CAB39L: variants seen among roughly 807,000 people sequenced by gnomAD.
CAB39L encodes calcium binding protein 39 like.
Under a neutral mutation model 39.1 loss-of-function variants are expected in CAB39L, and 23 were observed. The observed-to-expected ratio is 0.59, with a 90% confidence interval of 0.42 to 0.83. The LOEUF is 0.83. Among genes scored for constraint, CAB39L ranks in the 40% least tolerant of loss-of-function variants. The pLI is 0.00. For missense variants in CAB39L, 366 were observed against 391.9 expected (o/e 0.93, Z 0.56); for synonymous variants, 126 against 137.2 (o/e 0.92, Z 0.57).
At chr13:49,419,340 T>A (rs1421443804) in intron 3 of CAB39L, among the ~76,000 whole-genome samples, 1 of 152,210 alleles carries the variant, frequency 6.6e-6, no homozygotes, top group Non-Finnish European at 1.5e-5. Context: ...TTTTCCTCCT[T>A]TGAATCATAA....
At position 49,332,166 on chromosome 13, in the gene CAB39L, A is replaced by C. The variant is rs1169413602; in HGVS notation, c.691-76T>G. 10 of 1,518,212 alleles carry C rather than the reference A, an allele frequency of 6.6e-6. No homozygotes were observed. In the East Asian group the frequency reaches 2.3e-4, roughly 34 times the overall value. 94.0% of individuals were successfully genotyped at this position (1,518,212 alleles called of 1,614,324 possible). ...AAATATAGCTCACGTCTTCTCACTG[A>C]AAAACAAAATATAAATGTGAGTAAG... On this transcript the variant is annotated intron_variant, in intron 9 of 10. Coordinates refer to ENST00000409308, the MANE Select transcript of CAB39L (RefSeq NM_001079670.3).
rs1400983758 is a variant in CAB39L at position 49,433,300 on chromosome 13, G to A, written c.-32+18C>T. ...CGAGAGCACTTAAAATCTTGATTGA[G>A]TCATCATACTAGCTTACCTTAGAAG... is the stretch of plus-strand genomic sequence containing the variant. On this transcript the variant is annotated intron_variant, in intron 3 of 10. Transcript: ENST00000409308. 2.3e-6 allele frequency: 1 copy of A among 436,246 alleles called. No homozygotes were observed. Among genetic ancestry groups the A allele is most frequent in the Non-Finnish European group, 4.5e-6 (1 of 221,454 alleles). 27.0% of individuals were successfully genotyped at this position (436,246 alleles called of 1,614,324 possible).
rs1265089603 is a variant in CAB39L at position 49,309,322 on chromosome 13, G to GC, written c.*1491dup. 1.3e-5 allele frequency: 2 copies of GC among 152,272 alleles called. No homozygotes were observed. Among genetic ancestry groups the GC allele is most frequent in the African/African-American group, 4.8e-5 (2 of 41,460 alleles). The allele number at this position is 152,272 out of a possible 1,614,324, so 9.4% of individuals were successfully genotyped here. On this transcript the variant is annotated 3_prime_UTR_variant, in exon 11 of 11. Coordinates refer to ENST00000409308, the MANE Select transcript of CAB39L (RefSeq NM_001079670.3). ...AGAAAGAAACACACACCTGGGCCTA[G>GC]CCAAGGGTGGTGCCCTGCCAGGTAA...
chr13:49,334,965 C>T (rs1954811147), intron 9 of CAB39L, among the ~76,000 whole-genome samples: 1 of 152,142 alleles, frequency 6.6e-6, no homozygotes, highest in South Asian at 2.1e-4. Context: ...AATAAAACTT[C>T]TCTTATCTCT....
At chr13:49,439,535 A>G (rs1202546710) in intron 1 of CAB39L, among the ~76,000 whole-genome samples, 1 of 152,216 alleles carries the variant, frequency 6.6e-6, no homozygotes, top group Admixed American at 6.5e-5. Flanking sequence ...TGCTATTGTG[A>G]CTAGCACTAT....
chr13:49,442,804 A>AAAAAC (rs1566146188), intron 1 of CAB39L, among the ~76,000 whole-genome samples: 9 of 149,074 alleles, frequency 6.0e-5, no homozygotes, highest in African/African-American at 2.3e-4. Context: ...AAAAAAAAAA[A>AAAAAC]AAAAAAAAAA....
intron 10 of CAB39L, among the ~76,000 whole-genome samples, chr13:49,317,023 T>C (rs1010399782): frequency 3.9e-5 from 6 of 152,066 alleles, no homozygotes; most frequent in African/African-American, 1.2e-4. Flanking sequence ...CCAAAAGAAG[T>C]CAATGCTGCC....
chr13:49,380,321 A>G (rs1203001256), intron 4 of CAB39L, among the ~76,000 whole-genome samples: 1 of 152,244 alleles, frequency 6.6e-6, no homozygotes, highest in Non-Finnish European at 1.5e-5. Flanking sequence ...TGGTCCAAGT[A>G]TAAGATTGTA....
At chr13:49,431,018 A>G (rs1349873606) in intron 3 of CAB39L, among the ~76,000 whole-genome samples, 1 of 152,218 alleles carries the variant, frequency 6.6e-6, no homozygotes, top group East Asian at 1.9e-4. Context: ...TGTTCTGTTA[A>G]GAAATAATTA....
At chr13:49,347,933 C>G (rs1459160531) in intron 7 of CAB39L, among the ~76,000 whole-genome samples, 1 of 152,044 alleles carries the variant, frequency 6.6e-6, no homozygotes, top group Admixed American at 6.6e-5. Context: ...CTCCAAGCTT[C>G]CCATTCTTCA....
At chr13:49,368,591 C>T (rs1173283831) in intron 5 of CAB39L, among the ~76,000 whole-genome samples, 1 of 152,070 alleles carries the variant, frequency 6.6e-6, no homozygotes, top group Non-Finnish European at 1.5e-5. Flanking sequence ...AAAGAAGCAA[C>T]ATCCAGAAAT....
chr13:49,313,152 A>G (rs551503934), intron 10 of CAB39L, among the ~76,000 whole-genome samples: 73 of 152,258 alleles, frequency 4.8e-4, no homozygotes, highest in Non-Finnish European at 6.8e-4. Flanking sequence ...GAGGTCACCA[A>G]TGTCACTGTT....
intron 6 of CAB39L, chr13:49,351,174 G>A (rs1955338906): frequency 3.4e-6 from 1 of 295,946 alleles, no homozygotes; most frequent in Non-Finnish European, 6.2e-6. Flanking sequence ...GAGGCAGAAT[G>A]TAAACAATGA....
At chr13:49,340,989 T>C (rs1196615006) in intron 8 of CAB39L, among the ~76,000 whole-genome samples, 2 of 152,186 alleles carry the variant, frequency 1.3e-5, no homozygotes, top group East Asian at 1.9e-4. Context: ...TTTATTAGTC[T>C]CTCAAACTGT....
At chr13:49,339,373 C>T (rs996661309) in intron 9 of CAB39L, among the ~76,000 whole-genome samples, 4 of 152,056 alleles carry the variant, frequency 2.6e-5, no homozygotes, top group African/African-American at 4.8e-5. Context: ...TCAGGTGATC[C>T]GCCCACTTCG....
intron 3 of CAB39L, among the ~76,000 whole-genome samples, chr13:49,429,921 T>C (rs17072915): frequency 0.02 from 3,089 of 152,312 alleles, 115 homozygotes; most frequent in African/African-American, 0.069. Context: ...CTCATAAACA[T>C]GCTTTGTTAT....
intron 3 of CAB39L, among the ~76,000 whole-genome samples, chr13:49,385,646 G>A (rs534368313): frequency 2.6e-5 from 4 of 152,176 alleles, no homozygotes; most frequent in South Asian, 2.1e-4. Flanking sequence ...CCTTGAACAC[G>A]TAGAGGCCAC....
chr13:49,326,663 G>A (rs1954510395), intron 10 of CAB39L, among the ~76,000 whole-genome samples: 1 of 152,192 alleles, frequency 6.6e-6, no homozygotes, highest in Admixed American at 6.5e-5. Flanking sequence ...AAACAATGTA[G>A]TTCATACTTC....
At chr13:49,438,430 T>C (rs1412027328) in intron 1 of CAB39L, among the ~76,000 whole-genome samples, 1 of 152,214 alleles carries the variant, frequency 6.6e-6, no homozygotes, top group East Asian at 1.9e-4. Context: ...TGTTGAAGAT[T>C]TTCCAATCAT....
Sources: allele counts gnomAD v4.1 joint callset (sites outside exome capture counted in the v4.1 genomes callset), GRCh38; gene constraint gnomAD v4.1.1; transcripts MANE v1.5; gene names NCBI Gene and HGNC (gene_info 2026-07-23, HGNC 2026-07-21).